ZNF316: variants seen among roughly 807,000 people sequenced by gnomAD.
ZNF316 encodes the protein zinc finger protein 316.
ZNF316 carries 23 observed loss-of-function variants against 75.6 expected under a neutral mutation model. That is an observed-to-expected ratio of 0.30 (90% CI 0.22 to 0.43). The LOEUF (loss-of-function observed/expected upper bound fraction) is 0.43, where lower values mean the gene tolerates loss of function less well. Among genes scored for constraint, ZNF316 ranks in the 20% least tolerant of loss-of-function variants. The probability of loss-of-function intolerance (pLI) is 1.00; values close to 1 mark genes in which losing one functional copy is unlikely to be tolerated. For missense variants in ZNF316, 1,266 were observed against 1,409.4 expected, an observed-to-expected ratio of 0.90 and a Z score of 1.63; for synonymous variants, 827 against 666.2, an observed-to-expected ratio of 1.24 and a Z score of -3.72.
rs1327665677 is a variant in ZNF316 at position 6,653,589 on chromosome 7, C to T, written c.1993C>T (p.Leu665=). 9.3e-7 allele frequency: 1 copy of T among 1,073,908 alleles called. No individual in the cohort carries two copies. Among genetic ancestry groups the T allele is most frequent in the East Asian group, 5.9e-5 (1 of 16,994 alleles). 66.5% of individuals were successfully genotyped at this position (1,073,908 alleles called of 1,614,324 possible). A position where few individuals can be genotyped will look rare whatever the true frequency, so the allele number is the denominator to read the frequency against. ...GGGAAGGGGG[L]RAFGPAIGGL... The stretch of plus-strand genomic sequence containing the variant: ...CGGGGCCGCGGGCGGCGGAGGCGGC[C>T]TGCGCGCGTTCGGGCCCGCCATCGG... Residue 665 remains leucine, a synonymous_variant, in exon 9 of 9, where the codon CTG becomes TTG. Coordinates refer to ENST00000382252, the MANE Select transcript of ZNF316 (RefSeq NM_001278559.2).
In ZNF316 at chr7:6,653,366, C is replaced by T. The variant is rs1197926425; in HGVS notation, c.1770C>T (p.Gly590=). ...ELGNGLGEGE[G]PSSHPLGFHF... Reference sequence around the variant, plus strand: ...GCAACGGCCTGGGGGAGGGCGAAGGCCCCTCCTCCCACCCGCTGGGCTTCC... The same window carrying T: ...GCAACGGCCTGGGGGAGGGCGAAGGTCCCTCCTCCCACCCGCTGGGCTTCC... Residue 590 remains glycine, a synonymous_variant, in exon 9 of 9, where the codon GGC becomes GGT. Transcript: ENST00000382252. The T allele has an allele frequency of 1.3e-5, 16 of 1,226,122 alleles. No individual in the cohort carries two copies. Among genetic ancestry groups the T allele is most frequent in the Middle Eastern group, 3.1e-4 (1 of 3,216 alleles). The allele number at this position is 1,226,122 out of a possible 1,614,324, so 76.0% of individuals were successfully genotyped here. A position where few individuals can be genotyped will look rare whatever the true frequency, so the allele number is the denominator to read the frequency against.
At chr7:6,644,261 A>C (rs1779359417) in intron 7 of ZNF316, among the ~76,000 whole-genome samples, 1 of 147,652 alleles carries the variant, frequency 6.8e-6, no homozygotes, top group Non-Finnish European at 1.5e-5. Flanking sequence ...GGCATCTTGC[A>C]GGTGAAGGTG....
In ZNF316 at chr7:6,652,749, C is replaced by G; in HGVS notation, c.1153C>G (p.Arg385Gly). The change falls in exon 9 of 9, where the codon CGC becomes GGC. Residue 385 changes from arginine (R) to glycine (G), a missense_variant. Coordinates refer to ENST00000382252, the MANE Select transcript of ZNF316 (RefSeq NM_001278559.2). ...CEECGKGFVYRSHLAIHQRTH... is the reference protein window; with the variant it reads ...CEECGKGFVYGSHLAIHQRTH... ...GGAGTGCGGCAAGGGCTTCGTGTAC[C>G]GCTCGCACTTGGCCATCCACCAGCG... The G allele has an allele frequency of 8.0e-7, 1 of 1,257,190 alleles. No individual in the cohort carries two copies. The highest frequency in any genetic ancestry group is 1.0e-6 in the Non-Finnish European group (1 of 1,000,558). The allele number at this position is 1,257,190 out of a possible 1,614,324, so 77.9% of individuals were successfully genotyped here. A position where few individuals can be genotyped will look rare whatever the true frequency, so the allele number is the denominator to read the frequency against.
In ZNF316 at chr7:6,654,415, C is replaced by T. The variant is rs889553199; in HGVS notation, c.2819C>T (p.Ala940Val). Residue 940 changes from alanine (A) to valine (V), a missense_variant, in exon 9 of 9, where the codon GCC (alanine) becomes GTC (valine). Around this residue, in one of 3 missense-constraint regions of ZNF316, gnomAD observed 111 missense variants for 99.2 expected, o/e 1.12. Transcript: ENST00000382252. ...ACCCACATGAAGACGCACCGCGGAG[C>T]CACCGCAGCGCCGGGCTCGGGTTCG... ...LLTHMKTHRG[A>V]TAAPGSGSAP... The T allele has an allele frequency of 1.9e-5, 23 of 1,211,566 alleles. No homozygotes were observed. Among genetic ancestry groups the T allele is most frequent in the Non-Finnish European group, 2.3e-5 (22 of 975,270 alleles). The allele number at this position is 1,211,566 out of a possible 1,614,324, so 75.1% of individuals were successfully genotyped here.
At chr7:6,638,607 G>A (rs1348879658) in intron 2 of ZNF316, among the ~76,000 whole-genome samples, 1 of 152,210 alleles carries the variant, frequency 6.6e-6, no homozygotes, top group Non-Finnish European at 1.5e-5. Context: ...GTTGGCTGCA[G>A]CACCGTATCC....
In ZNF316 at chr7:6,642,858, CAG is replaced by C. The variant is rs1779335171; in HGVS notation, c.355+95_355+96del. ...CAAGCCAGGAGGGCTCTTGGGCCGACAGGGTGGAGCTGAAACCCAGCTTTGCA... is the reference window on the plus strand; with the variant it reads ...CAAGCCAGGAGGGCTCTTGGGCCGACGGTGGAGCTGAAACCCAGCTTTGCA... On this transcript the variant is annotated intron_variant, in intron 5 of 8. Transcript: ENST00000382252. The surrounding 1 kb of genome is among the most constrained non-coding windows in gnomAD (Gnocchi z 8.1). 8.1e-7 allele frequency: 1 copy of C among 1,231,598 alleles called. No individual in the cohort carries two copies. Among genetic ancestry groups the C allele is most frequent in the Non-Finnish European group, 1.0e-6 (1 of 987,706 alleles). The allele number at this position is 1,231,598 out of a possible 1,614,324, so 76.3% of individuals were successfully genotyped here. A position where few individuals can be genotyped will look rare whatever the true frequency, so the allele number is the denominator to read the frequency against.
At chr7:6,649,906 G>A (rs1389217814) in intron 8 of ZNF316, among the ~76,000 whole-genome samples, 4 of 152,162 alleles carry the variant, frequency 2.6e-5, no homozygotes, top group African/African-American at 9.7e-5. Flanking sequence ...CTGCGATCAG[G>A]ATCAAGGGAG....
chr7:6,646,972 A>G (rs1040353376), intron 8 of ZNF316, among the ~76,000 whole-genome samples: 4 of 152,002 alleles, frequency 2.6e-5, no homozygotes, highest in African/African-American at 9.7e-5. Context: ...GCCATGCTTC[A>G]GACCCTCCCC....
At position 6,654,032 on chromosome 7, in the gene ZNF316, C is replaced by T; in HGVS notation, c.2436C>T (p.Phe812=). 5.8e-6 allele frequency: 7 copies of T among 1,197,100 alleles called. No homozygotes were observed. Among genetic ancestry groups the T allele is most frequent in the East Asian group, 3.6e-5 (1 of 27,938 alleles). The allele number at this position is 1,197,100 out of a possible 1,614,324, so 74.2% of individuals were successfully genotyped here. ...PYACGECGRR[F]GQSAALTRHQ... is the part of the protein sequence containing the mutation. ...CGTGTGGAGAGTGCGGCCGGCGCTT[C>T]GGGCAGAGCGCGGCGCTGACGCGGC... The change falls in exon 9 of 9, where the codon TTC becomes TTT. Residue 812 remains phenylalanine (F), a synonymous_variant. Coordinates refer to ENST00000382252, the MANE Select transcript of ZNF316 (RefSeq NM_001278559.2).
rs769542344 is a variant in ZNF316, at chr7:6,656,944, CCTTT to C, written c.*2338_*2341del. 2.1e-4 allele frequency among the ~76,000 whole-genome samples: 32 copies of C among 152,134 alleles called. No individual in the cohort carries two copies. The highest frequency in any genetic ancestry group is 3.7e-4 in the Non-Finnish European group (25 of 68,038). On this transcript the variant is annotated 3_prime_UTR_variant, in exon 9 of 9. Transcript: ENST00000382252. The stretch of plus-strand genomic sequence containing the variant: ...CCACGATCAGATCTGACTCTCCTGT[CCTTT>C]CTTTGTGGGTCTGAAAAATAAGAAC...
chr7:6,638,207 T>C (rs1465811573), intron 2 of ZNF316, among the ~76,000 whole-genome samples, 198 bp downstream of exon 2: 1 of 152,060 alleles, frequency 6.6e-6, no homozygotes, highest in Non-Finnish European at 1.5e-5. Flanking sequence ...TGTGGGCAGG[T>C]CTGGGGGCCG....
rs1389687111 is a variant in ZNF316 at position 6,653,053 on chromosome 7, G to C, written c.1457G>C (p.Cys486Ser). 10 of 1,215,834 alleles carry C rather than the reference G, an allele frequency of 8.2e-6. No individual in the cohort carries two copies. Among genetic ancestry groups the C allele is most frequent in the Middle Eastern group, 3.0e-4 (1 of 3,336 alleles). 75.3% of individuals were successfully genotyped at this position (1,215,834 alleles called of 1,614,324 possible). The change falls in exon 9 of 9, where the codon TGC becomes TCC. Residue 486 changes from cysteine to serine, a missense_variant. This residue lies in a region of ZNF316 where 961 missense variants were observed against 990.9 expected (regional missense o/e 0.97). Coordinates refer to ENST00000382252, the MANE Select transcript of ZNF316 (RefSeq NM_001278559.2). ...GTGCACACGGCCGACCGCCCGCACTGCTGTCCCGACTGCGGCCAGGCCTTC... is the reference window on the plus strand; with the variant it reads ...GTGCACACGGCCGACCGCCCGCACTCCTGTCCCGACTGCGGCCAGGCCTTC... Reference protein sequence around the residue: ...QAVHTADRPHCCPDCGQAFRL... With the variant: ...QAVHTADRPHSCPDCGQAFRL...
In ZNF316 at chr7:6,653,093, CT is replaced by C; in HGVS notation, c.1499del (p.Phe500SerfsTer291). On this transcript the variant is annotated frameshift_variant, in exon 9 of 9. Coordinates refer to ENST00000382252, the MANE Select transcript of ZNF316 (RefSeq NM_001278559.2). LOFTEE classifies it high-confidence loss of function. ...GCCAGGCCTTCCGCCTGCGCGCCGA[CT>C]TCCAGCGCCACCGACGCGGCGGGGG... ...CGQAFRLRADFQRHRRGGGCA... is the reference protein window; with the variant it reads ...CGQAFRLRADXQRHRRGGGCA... 8.4e-7 allele frequency: 1 copy of C among 1,192,140 alleles called. No individual in the cohort carries two copies. The highest frequency in any genetic ancestry group is 1.0e-6 in the Non-Finnish European group (1 of 963,366). The allele number at this position is 1,192,140 out of a possible 1,614,324, so 73.8% of individuals were successfully genotyped here. A position where few individuals can be genotyped will look rare whatever the true frequency, so the allele number is the denominator to read the frequency against.
chr7:6,645,720 G>C (rs917835687), intron 8 of ZNF316, among the ~76,000 whole-genome samples: 1 of 151,354 alleles, frequency 6.6e-6, no homozygotes, highest in Non-Finnish European at 1.5e-5. Flanking sequence ...AATAGGCTAG[G>C]TGCGGTGTCT....
rs1251424280 is a variant in ZNF316, at chr7:6,654,532, C to T, written c.2936C>T (p.Ala979Val). 2.5e-6 allele frequency: 3 copies of T among 1,180,142 alleles called. No individual in the cohort carries two copies. Among genetic ancestry groups the T allele is most frequent in the South Asian group, 4.2e-5 (1 of 23,926 alleles). The allele number at this position is 1,180,142 out of a possible 1,614,324, so 73.1% of individuals were successfully genotyped here. The change falls in exon 9 of 9, where the codon GCG becomes GTG. Residue 979 changes from alanine (A) to valine (V), a missense_variant. Around this residue, in one of 3 missense-constraint regions of ZNF316, gnomAD observed 111 missense variants for 99.2 expected, o/e 1.12. Coordinates refer to ENST00000382252, the MANE Select transcript of ZNF316 (RefSeq NM_001278559.2). ...GERGSALLEF[A>V]GGTSFGSEHQ... ...CGCGGCAGCGCCCTGCTGGAGTTCG[C>T]GGGCGGCACAAGCTTCGGCTCCGAG...
chr7:6,653,820 A>G lies in ZNF316; in HGVS notation c.2224A>G (p.Thr742Ala). 1 of 1,078,890 alleles carries G rather than the reference A, an allele frequency of 9.3e-7. No homozygotes were observed. The highest frequency in any genetic ancestry group is 1.1e-6 in the Non-Finnish European group (1 of 887,888). The allele number at this position is 1,078,890 out of a possible 1,614,324, so 66.8% of individuals were successfully genotyped here. The stretch of plus-strand genomic sequence containing the variant: ...CCTGGCGCGCCACCGGCGCACACAC[A>G]CCGGCGAGCGGCCCTTCCCGTGCCC... ...SHLARHRRTHTGERPFPCPEC... is the reference protein window; with the variant it reads ...SHLARHRRTHAGERPFPCPEC... Residue 742 changes from threonine (T) to alanine (A), a missense_variant, in exon 9 of 9, where the codon ACC (threonine) becomes GCC (alanine). By Grantham distance (58) the Thr-to-Ala change is moderately conservative. Coordinates refer to ENST00000382252, the MANE Select transcript of ZNF316 (RefSeq NM_001278559.2).
chr7:6,641,630 C>T (rs1346623586), intron 3 of ZNF316, among the ~76,000 whole-genome samples, 195 bp from the exon 4 acceptor site: 2 of 152,248 alleles, frequency 1.3e-5, no homozygotes, highest in Non-Finnish European at 2.9e-5. Flanking sequence ...GACGCTGTAG[C>T]CTCTAGGGCT....
chr7:6,654,769 G>A lies in ZNF316; in HGVS notation c.*158G>A, dbSNP rs988130184. On this transcript the variant is annotated 3_prime_UTR_variant, in exon 9 of 9. Coordinates refer to ENST00000382252, the MANE Select transcript of ZNF316 (RefSeq NM_001278559.2). ...CCCTGCGGCCCCGGGTCTCATGCCC[G>A]CCGGGTCCGTGTGCTCAGCCGGAGA... The A allele has an allele frequency of 1.0e-4, 59 of 580,468 alleles. No homozygotes were observed. The highest frequency in any genetic ancestry group is 4.4e-4 in the South Asian group (5 of 11,382). The allele number at this position is 580,468 out of a possible 1,614,324, so 36.0% of individuals were successfully genotyped here. A position where few individuals can be genotyped will look rare whatever the true frequency, so the allele number is the denominator to read the frequency against.
At position 6,656,606 on chromosome 7, in the gene ZNF316, C is replaced by T. The variant is rs1400425762; in HGVS notation, c.*1995C>T. Among the ~76,000 whole-genome samples, 1 of 152,220 alleles carries T rather than the reference C, an allele frequency of 6.6e-6. No individual in the cohort carries two copies. The highest frequency in any genetic ancestry group is 1.5e-5 in the Non-Finnish European group (1 of 68,032). ...AGTTGGCCCCAGGCCAGTGTGGCCC[C>T]GTGCTGCCCATGCCCACCGTATTCC... is the stretch of plus-strand genomic sequence containing the variant. On this transcript the variant is annotated 3_prime_UTR_variant, in exon 9 of 9. Coordinates refer to ENST00000382252, the MANE Select transcript of ZNF316 (RefSeq NM_001278559.2).
Sources: allele counts gnomAD v4.1 joint callset (sites outside exome capture counted in the v4.1 genomes callset), GRCh38; gene constraint gnomAD v4.1.1; regional missense constraint gnomAD v4.1.1; non-coding constraint Gnocchi (gnomAD v3.1); transcripts MANE v1.5; gene names NCBI Gene and HGNC (gene_info 2026-07-23, HGNC 2026-07-21).